ZNF202: variants seen among roughly 807,000 people sequenced by gnomAD.
ZNF202 encodes zinc finger protein 202.
In ZNF202, 22 loss-of-function variants were observed where a neutral mutation model predicts 54.5. That is an observed-to-expected ratio of 0.40 (90% CI 0.29 to 0.58). ZNF202 has a LOEUF of 0.58. ZNF202 is among the 20% of genes least tolerant of loss of function. ZNF202 has a pLI of 0.39. For missense variants in ZNF202, 644 were observed against 805.5 expected (o/e 0.80, Z 2.43); for synonymous variants, 294 against 301.4 (o/e 0.98, Z 0.26).
intron 3 of ZNF202, among the ~76,000 whole-genome samples, chr11:123,736,091 C>A (rs950597646): frequency 1.2e-4 from 19 of 152,134 alleles, no homozygotes; most frequent in Admixed American, 1.1e-3. Flanking sequence ...CAAGGTAAGA[C>A]CTCTGTACAA....
At chr11:123,733,251 T>C (rs1175453926) in intron 3 of ZNF202, among the ~76,000 whole-genome samples, 1 of 152,212 alleles carries the variant, frequency 6.6e-6, no homozygotes, top group Non-Finnish European at 1.5e-5. Context: ...AATGATCACA[T>C]TATCTTCATT....
intron 3 of ZNF202, among the ~76,000 whole-genome samples, chr11:123,735,120 A>T (rs988725792): frequency 2.0e-5 from 3 of 152,188 alleles, no homozygotes; most frequent in African/African-American, 7.2e-5. Flanking sequence ...TATCCAGACA[A>T]AGCTTTCCAA....
At chr11:123,738,151 A>ATGCC (rs1242277288) in intron 3 of ZNF202, among the ~76,000 whole-genome samples, 2 of 152,148 alleles carry the variant, frequency 1.3e-5, no homozygotes, top group African/African-American at 4.8e-5. Flanking sequence ...ATCTGGGACT[A>ATGCC]CAGCACATGC....
At position 123,729,826 on chromosome 11, in the gene ZNF202, C is replaced by T; in HGVS notation, c.403-1G>A. The T allele has an allele frequency of 6.3e-7, 1 of 1,595,934 alleles. No homozygotes were observed. Among genetic ancestry groups the T allele is most frequent in the Non-Finnish European group, 8.5e-7 (1 of 1,172,296 alleles). ...CCTGGCCGTGAACATGGACAGTCAC[C>T]TGGGAATAATTCCAACTTCCAGTCA... is the stretch of plus-strand genomic sequence containing the variant. On this transcript the variant is annotated splice_acceptor_variant, in intron 4 of 8. Transcript: ENST00000530393. LOFTEE classifies it high-confidence loss of function.
chr11:123,726,536 G>A lies in ZNF202; in HGVS notation c.1408C>T (p.Gln470Ter), dbSNP rs760540270. 1 of 1,614,256 alleles carries A rather than the reference G, an allele frequency of 6.2e-7. No individual in the cohort carries two copies. The highest frequency in any genetic ancestry group is 8.5e-7 in the Non-Finnish European group (1 of 1,180,046). The change falls in exon 9 of 9, where the codon CAG becomes TAG. Residue 470 changes from glutamine (Q) to a stop codon, truncating the protein, a stop_gained. Coordinates refer to ENST00000530393, the MANE Select transcript of ZNF202 (RefSeq NM_003455.4). LOFTEE classifies it high-confidence loss of function. This position sits in a 1 kb window ranked among gnomAD's most constrained non-coding sequence, Gnocchi z 6.0. ...TCCACTGATGGAGTTCTCTCAGCCT[G>A]TGTCACAGGGGAGGTCTCTTCCAAA... ...KNLEETSPVT[Q>*]AERTPSVEKP...
intron 5 of ZNF202, 89 bp downstream of exon 5, chr11:123,729,526 C>G (rs1318328928): frequency 7.9e-5 from 109 of 1,387,554 alleles, no homozygotes; most frequent in Non-Finnish European, 2.9e-6. Flanking sequence ...ATCTACCCAG[C>G]TTCCTTGGTA....
rs765729482 is a variant in ZNF202 at position 123,725,963 on chromosome 11, G to C, written c.*34C>G. 9.5e-6 allele frequency: 15 copies of C among 1,578,198 alleles called. No individual in the cohort carries two copies. Among genetic ancestry groups the C allele is most frequent in the Non-Finnish European group, 1.3e-5 (15 of 1,161,828 alleles). The stretch of plus-strand genomic sequence containing the variant: ...CTCTTCCTCACCTCCCTTAGGTGAG[G>C]GCTGAAAGCAGATCTCCTCACATGG... On this transcript the variant is annotated 3_prime_UTR_variant, in exon 9 of 9. Transcript: ENST00000530393.
In ZNF202 at chr11:123,730,401, G is replaced by T; in HGVS notation, c.402+86C>A. 6.9e-7 allele frequency: 1 copy of T among 1,459,634 alleles called. No homozygotes were observed. Among genetic ancestry groups the T allele is most frequent in the Admixed American group, 2.3e-5 (1 of 42,628 alleles). 90.4% of individuals were successfully genotyped at this position (1,459,634 alleles called of 1,614,324 possible). A position where few individuals can be genotyped will look rare whatever the true frequency, so the allele number is the denominator to read the frequency against. On this transcript the variant is annotated intron_variant, in intron 4 of 8. Transcript: ENST00000530393. This position sits in a 1 kb window ranked among gnomAD's most constrained non-coding sequence, Gnocchi z 6.0. Reference sequence around the variant, plus strand: ...GGCAGAGCCCACTAATAATTTATGGGGATCCTGCAAGCTCTCCCCGCAAAT... The same window carrying T: ...GGCAGAGCCCACTAATAATTTATGGTGATCCTGCAAGCTCTCCCCGCAAAT...
In ZNF202 at chr11:123,724,832, C is replaced by T. The variant is rs1289708444; in HGVS notation, c.*1165G>A. On this transcript the variant is annotated 3_prime_UTR_variant, in exon 9 of 9. Transcript: ENST00000530393. ...ATTCCTCAGGGTCCCAGGTTCAACACTTTCCGTGATGTCAGAGTACTCAGT... is the reference window on the plus strand; with the variant it reads ...ATTCCTCAGGGTCCCAGGTTCAACATTTTCCGTGATGTCAGAGTACTCAGT... The T allele has an allele frequency of 6.6e-6, 1 of 152,278 alleles. No homozygotes were observed. The highest frequency in any genetic ancestry group is 1.5e-5 in the Non-Finnish European group (1 of 68,062). 9.4% of individuals were successfully genotyped at this position (152,278 alleles called of 1,614,324 possible). A position where few individuals can be genotyped will look rare whatever the true frequency, so the allele number is the denominator to read the frequency against.
rs1481850630 is a variant in ZNF202 at position 123,730,303 on chromosome 11, A to G, written c.402+184T>C. On this transcript the variant is annotated intron_variant, in intron 4 of 8. Coordinates refer to ENST00000530393, the MANE Select transcript of ZNF202 (RefSeq NM_003455.4). This position sits in a 1 kb window ranked among gnomAD's most constrained non-coding sequence, Gnocchi z 6.0. ...AGATGGTCCCTATACAGGTGTTCCA[A>G]TATCCAGAAAGTCACATTCATACAC... Among the ~76,000 whole-genome samples the G allele has an allele frequency of 1.3e-5, 2 of 152,180 alleles. No homozygotes were observed. Among genetic ancestry groups the G allele is most frequent in the African/African-American group, 2.4e-5 (1 of 41,454 alleles).
At chr11:123,737,704 T>A (rs529527593) in intron 3 of ZNF202, among the ~76,000 whole-genome samples, 5 of 152,022 alleles carry the variant, frequency 3.3e-5, no homozygotes, top group African/African-American at 7.3e-5. Flanking sequence ...TTTTGATGGT[T>A]ATATATGGCA....
Position 123,730,018 on chromosome 11 carries a change from T to G in ZNF202, c.403-193A>C, listed in dbSNP as rs1286869204. ...ATCCTCCCCAGGACAAGGCAGGGGA[T>G]GCGCAGGCCTGCACTGCTCTCTCAC... On this transcript the variant is annotated intron_variant, in intron 4 of 8. Transcript: ENST00000530393. This position sits in a 1 kb window ranked among gnomAD's most constrained non-coding sequence, Gnocchi z 6.0. Among the ~76,000 whole-genome samples the G allele has an allele frequency of 6.6e-6, 1 of 152,078 alleles. No homozygotes were observed. The highest frequency in any genetic ancestry group is 1.5e-5 in the Non-Finnish European group (1 of 67,992).
In ZNF202 at chr11:123,724,909, A is replaced by C. The variant is rs1861059924; in HGVS notation, c.*1088T>G. Reference sequence around the variant, plus strand: ...AACAGTCTTGATGGTCTTGCCAGCAACAGCTTTTTCTTATTTTCCATAATT... The same window carrying C: ...AACAGTCTTGATGGTCTTGCCAGCACCAGCTTTTTCTTATTTTCCATAATT... On this transcript the variant is annotated 3_prime_UTR_variant, in exon 9 of 9. Coordinates refer to ENST00000530393, the MANE Select transcript of ZNF202 (RefSeq NM_003455.4). The C allele has an allele frequency of 6.6e-6, 1 of 152,246 alleles. No homozygotes were observed. The highest frequency in any genetic ancestry group is 1.5e-5 in the Non-Finnish European group (1 of 68,054). The allele number at this position is 152,246 out of a possible 1,614,324, so 9.4% of individuals were successfully genotyped here. A position where few individuals can be genotyped will look rare whatever the true frequency, so the allele number is the denominator to read the frequency against.
chr11:123,736,098 A>G (rs1861626237), intron 3 of ZNF202, among the ~76,000 whole-genome samples: 1 of 152,192 alleles, frequency 6.6e-6, no homozygotes, highest in Admixed American at 6.5e-5. Context: ...AGACCTCTGT[A>G]CAATCCTCAG....
intron 3 of ZNF202, among the ~76,000 whole-genome samples, chr11:123,735,257 ATTG>A (rs1342409170): frequency 6.6e-6 from 1 of 152,186 alleles, no homozygotes; most frequent in Non-Finnish European, 1.5e-5. Context: ...TGGAATCCTC[ATTG>A]TTTTCACGCA....
intron 6 of ZNF202, 44 bp from the exon 7 acceptor site, chr11:123,728,306 A>G: frequency 6.4e-7 from 1 of 1,568,258 alleles, no homozygotes; most frequent in Non-Finnish European, 8.7e-7. Context: ...TGCTACGGGT[A>G]GCCTCGTATT....
Position 123,730,262 on chromosome 11 carries a change from G to A in ZNF202, c.402+225C>T, listed in dbSNP as rs1861348429. Among the ~76,000 whole-genome samples, 1 of 152,150 alleles carries A rather than the reference G, an allele frequency of 6.6e-6. No homozygotes were observed. The highest frequency in any genetic ancestry group is 6.5e-5 in the Admixed American group (1 of 15,284). On this transcript the variant is annotated intron_variant, in intron 4 of 8. Transcript: ENST00000530393. This position sits in a 1 kb window ranked among gnomAD's most constrained non-coding sequence, Gnocchi z 6.0. ...GGAAAACCAAAGCCATGACCCTTTG[G>A]TGGCTGAGACCCCTCAGATGGTCCC...
In ZNF202 at chr11:123,730,937, T is replaced by A. The variant is rs967406301; in HGVS notation, c.-49A>T. 4.5e-6 allele frequency: 7 copies of A among 1,564,750 alleles called. No homozygotes were observed. Among genetic ancestry groups the A allele is most frequent in the Non-Finnish European group, 6.1e-6 (7 of 1,154,820 alleles). ...CACCATCTAGAGCTCACACTGTCAT[T>A]AGCCCCCCGCCTCAGCCTGGACACA... is the stretch of plus-strand genomic sequence containing the variant. On this transcript the variant is annotated 5_prime_UTR_variant, in exon 4 of 9. Transcript: ENST00000530393. This position sits in a 1 kb window ranked among gnomAD's most constrained non-coding sequence, Gnocchi z 6.0.
At position 123,730,376 on chromosome 11, in the gene ZNF202, G is replaced by A. The variant is rs1343033948; in HGVS notation, c.402+111C>T. On this transcript the variant is annotated intron_variant, in intron 4 of 8. Transcript: ENST00000530393. This position sits in a 1 kb window ranked among gnomAD's most constrained non-coding sequence, Gnocchi z 6.0. ...GCTCATGGTATATGAGCAACCCAAGGGCAGAGCCCACTAATAATTTATGGG... is the reference window on the plus strand; with the variant it reads ...GCTCATGGTATATGAGCAACCCAAGAGCAGAGCCCACTAATAATTTATGGG... 1.5e-6 allele frequency: 2 copies of A among 1,373,566 alleles called. No individual in the cohort carries two copies. The highest frequency in any genetic ancestry group is 2.9e-5 in the African/African-American group (2 of 69,162). 85.1% of individuals were successfully genotyped at this position (1,373,566 alleles called of 1,614,324 possible). A position where few individuals can be genotyped will look rare whatever the true frequency, so the allele number is the denominator to read the frequency against.
Sources: allele counts gnomAD v4.1 joint callset (sites outside exome capture counted in the v4.1 genomes callset), GRCh38; gene constraint gnomAD v4.1.1; non-coding constraint Gnocchi (gnomAD v3.1); transcripts MANE v1.5; gene names NCBI Gene and HGNC (gene_info 2026-07-23, HGNC 2026-07-21).